The following AP4E1 variants were observed in gnomAD, a reference collection of about 807,000 sequenced individuals.
AP4E1 encodes the protein adaptor related protein complex 4 subunit epsilon 1.
In AP4E1, 56 loss-of-function variants were observed where a neutral mutation model predicts 128.2. The ratio of observed to expected loss-of-function variants is 0.44; its 90% CI spans 0.35 to 0.55. The LOEUF is 0.55. Ranked by LOEUF, AP4E1 falls within the 20% of genes least tolerant of loss-of-function variation. AP4E1 has a pLI of 0.00. For synonymous variants in AP4E1, 484 were observed against 473.1 expected (o/e 1.02, Z -0.30); for missense variants, 1,324 against 1,307.7 (o/e 1.01, Z -0.19).
intron 7 of AP4E1, among the ~76,000 whole-genome samples, chr15:50,931,395 G>A (rs910556347): frequency 2.6e-5 from 4 of 152,004 alleles, no homozygotes; most frequent in East Asian, 1.9e-4. Flanking sequence ...GTGAAACCCC[G>A]TCTCTACTAA....
At chr15:50,923,167 T>C (rs1413724540) in intron 3 of AP4E1, among the ~76,000 whole-genome samples, 1 of 152,186 alleles carries the variant, frequency 6.6e-6, no homozygotes, top group Admixed American at 6.5e-5. Flanking sequence ...ACTTGACCCA[T>C]AGTGACTGTC....
intron 3 of AP4E1, chr15:50,915,919 TAA>T (rs2063625580): frequency 4.4e-6 from 1 of 227,676 alleles, no homozygotes; most frequent in Admixed American, 5.3e-5. Flanking sequence ...TATATGTCTA[TAA>T]AGAGCTCTTT....
chr15:50,993,603 G>T lies in AP4E1; in HGVS notation c.2324G>T (p.Gly775Val), dbSNP rs1392710852. 6.2e-7 allele frequency: 1 copy of T among 1,613,966 alleles called. No individual in the cohort carries two copies. Among genetic ancestry groups the T allele is most frequent in the Non-Finnish European group, 8.5e-7 (1 of 1,179,888 alleles). The change falls in exon 17 of 21, where the codon GGA (glycine) becomes GTA (valine). Residue 775 changes from glycine to valine, a missense_variant. Gly to Val is a moderately radical substitution (Grantham distance 109). Transcript: ENST00000261842. The stretch of plus-strand genomic sequence containing the variant: ...GCATCATCATTATTTGTTGGTCTAG[G>T]ATCAGAAAGTACAATCAACCTGGTA... Reference protein sequence around the residue: ...LLASSLFVGLGSESTINLLGK... With the variant: ...LLASSLFVGLVSESTINLLGK...
chr15:50,998,694 C>G (rs1399983482), intron 18 of AP4E1, among the ~76,000 whole-genome samples: 1 of 152,070 alleles, frequency 6.6e-6, no homozygotes. Context: ...TGCTTTAACT[C>G]TACCACCAAA....
intron 13 of AP4E1, among the ~76,000 whole-genome samples, chr15:50,957,546 G>A (rs1211463252): frequency 1.3e-5 from 2 of 152,032 alleles, no homozygotes; most frequent in Admixed American, 6.5e-5. Flanking sequence ...TGGCTTGCGG[G>A]TGGGGCTTCT....
intron 3 of AP4E1, among the ~76,000 whole-genome samples, chr15:50,918,634 G>T (rs1286059773): frequency 6.6e-6 from 1 of 151,916 alleles, no homozygotes; most frequent in African/African-American, 2.4e-5. Flanking sequence ...CCCTCATAGG[G>T]AACTATTTTC....
chr15:50,934,113 TATTA>T (rs1282460674), intron 7 of AP4E1, among the ~76,000 whole-genome samples: 1 of 152,056 alleles, frequency 6.6e-6, no homozygotes, highest in African/African-American at 2.4e-5. Context: ...GGTCCAAACC[TATTA>T]ATTCCACAAA....
chr15:50,992,150 T>C (rs1444423465), intron 16 of AP4E1, among the ~76,000 whole-genome samples: 2 of 152,046 alleles, frequency 1.3e-5, no homozygotes, highest in Non-Finnish European at 2.9e-5. Context: ...CAACAAACCA[T>C]GTACCCTAGG....
In AP4E1 at chr15:50,993,403, A is replaced by G; in HGVS notation, c.2124A>G (p.Lys708=). The G allele has an allele frequency of 6.2e-7, 1 of 1,614,012 alleles. No homozygotes were observed. The highest frequency in any genetic ancestry group is 8.5e-7 in the Non-Finnish European group (1 of 1,179,952). ...TNSLKLEGIK[K]LWGKEGYLPK... ...GCTTGAAGCTGGAAGGTATAAAGAAATTGTGGGGGAAAGAAGGCTATCTTC... is the reference window on the plus strand; with the variant it reads ...GCTTGAAGCTGGAAGGTATAAAGAAGTTGTGGGGGAAAGAAGGCTATCTTC... The change falls in exon 17 of 21, where the codon AAA becomes AAG. Residue 708 remains lysine (K), a synonymous_variant. Coordinates refer to ENST00000261842, the MANE Select transcript of AP4E1 (RefSeq NM_007347.5).
At chr15:50,996,812 C>T (rs2064881179) in intron 17 of AP4E1, among the ~76,000 whole-genome samples, 1 of 152,166 alleles carries the variant, frequency 6.6e-6, no homozygotes, top group Non-Finnish European at 1.5e-5. Context: ...GCTGAGTGTT[C>T]CAGTCAGCTA....
chr15:50,923,684 A>G (rs1217334028), intron 3 of AP4E1, among the ~76,000 whole-genome samples: 1 of 152,224 alleles, frequency 6.6e-6, no homozygotes, highest in African/African-American at 2.4e-5. Context: ...CAAGATTTTA[A>G]GTTGATACAC....
chr15:50,950,743 A>G (rs2064137377), intron 13 of AP4E1, among the ~76,000 whole-genome samples: 1 of 152,096 alleles, frequency 6.6e-6, no homozygotes, highest in Non-Finnish European at 1.5e-5. Flanking sequence ...CTAGTACACA[A>G]TAGCTCTTCT....
intron 15 of AP4E1, 123 bp downstream of exon 15, chr15:50,968,500 G>C: frequency 1.2e-6 from 1 of 858,570 alleles, no homozygotes; most frequent in South Asian, 1.6e-5. Flanking sequence ...ATTCACTTGT[G>C]ATTTGTTTGC....
At chr15:50,979,669 C>T (rs917629735) in intron 15 of AP4E1, among the ~76,000 whole-genome samples, 3 of 152,106 alleles carry the variant, frequency 2.0e-5, no homozygotes, top group South Asian at 2.1e-4. Context: ...GGATTACAGG[C>T]GTCCACCACC....
chr15:50,968,388 A>T lies in AP4E1; in HGVS notation c.1966+11A>T, dbSNP rs759782619. 112 of 1,577,910 alleles carry T rather than the reference A, an allele frequency of 7.1e-5. No individual in the cohort carries two copies. The highest frequency in any genetic ancestry group is 9.1e-5 in the Non-Finnish European group (105 of 1,149,702). On this transcript the variant is annotated intron_variant, in intron 15 of 20. Transcript: ENST00000261842. Reference sequence around the variant, plus strand: ...TTTCTCAGGAAAAAGGTAATTTTTCATGGATTTATGATAAGCTAGAGTGTA... The same window carrying T: ...TTTCTCAGGAAAAAGGTAATTTTTCTTGGATTTATGATAAGCTAGAGTGTA...
chr15:50,942,447 A>G (rs1040824463), intron 10 of AP4E1, among the ~76,000 whole-genome samples: 1 of 152,010 alleles, frequency 6.6e-6, no homozygotes, highest in African/African-American at 2.4e-5. Flanking sequence ...GTTGATGTTA[A>G]TTAATGATTT....
intron 3 of AP4E1, among the ~76,000 whole-genome samples, chr15:50,923,549 A>G (rs2063732787): frequency 1.3e-5 from 2 of 152,142 alleles, no homozygotes; most frequent in East Asian, 1.9e-4. Flanking sequence ...TTTTTTTATT[A>G]TAGTGATTAG....
At chr15:50,968,929 A>C (rs1203550896) in intron 15 of AP4E1, among the ~76,000 whole-genome samples, 1 of 151,792 alleles carries the variant, frequency 6.6e-6, no homozygotes, top group African/African-American at 2.4e-5. Flanking sequence ...TTATACTGAA[A>C]TTTTGAGGAA....
At chr15:50,993,670 T>C in intron 17 of AP4E1, 45 bp downstream of exon 17, 2 of 1,611,736 alleles carry the variant, frequency 1.2e-6, no homozygotes, top group Non-Finnish European at 1.7e-6. Flanking sequence ...GTCATCTGTC[T>C]GTACAAAAAA....
Sources: gnomAD v4.1 joint callset for allele counts (sites outside exome capture counted in the v4.1 genomes callset) on GRCh38, gnomAD v4.1.1 for gene constraint, MANE v1.5 for transcripts, NCBI Gene and HGNC (gene_info 2026-07-23, HGNC 2026-07-21) for gene names.